Variants in COL4A2 observed in about 807,000 individuals in gnomAD.
COL4A2 encodes collagen type IV alpha 2 chain.
In COL4A2, 99 loss-of-function variants were observed where a neutral mutation model predicts 200.2. The ratio of observed to expected loss-of-function variants is 0.49; its 90% CI spans 0.42 to 0.58. The LOEUF (loss-of-function observed/expected upper bound fraction) is 0.58. Among genes scored for constraint, COL4A2 ranks in the 20% least tolerant of loss-of-function variants. The pLI, the probability that COL4A2 is intolerant of heterozygous loss-of-function variation, is 0.00. For synonymous variants in COL4A2, 897 were observed against 900.6 expected, an observed-to-expected ratio of 1.00 and a Z score of 0.07; for missense variants, 1,950 against 2,314.1, an observed-to-expected ratio of 0.84 and a Z score of 3.23.
rs1401266684 is a variant in COL4A2, at chr13:110,513,162, A to T, written c.*971A>T. The stretch of plus-strand genomic sequence containing the variant: ...GAGTTGAACCCATTCGTGGTATTAC[A>T]GCCATTTCTCGGGGAATGTGTTTGT... On this transcript the variant is annotated 3_prime_UTR_variant, in exon 48 of 48. Transcript: ENST00000360467. 2 of 151,784 alleles carry T rather than the reference A, an allele frequency of 1.3e-5. No homozygotes were observed. The highest frequency in any genetic ancestry group is 3.9e-4 in the East Asian group (2 of 5,172). The allele number at this position is 151,784 out of a possible 1,614,324, so 9.4% of individuals were successfully genotyped here.
At chr13:110,434,157 T>A (rs1194120652) in intron 11 of COL4A2, among the ~76,000 whole-genome samples, 1 of 152,106 alleles carries the variant, frequency 6.6e-6, no homozygotes, top group Non-Finnish European at 1.5e-5. Context: ...ATACTCACGA[T>A]CGAGGGCCAG....
At chr13:110,373,837 G>A (rs1045450294) in intron 4 of COL4A2, among the ~76,000 whole-genome samples, 6 of 152,206 alleles carry the variant, frequency 3.9e-5, no homozygotes, top group Admixed American at 3.9e-4. Flanking sequence ...CCCTTGTTGA[G>A]TGTAAGTTAA....
rs529898139 is a variant in COL4A2, at chr13:110,417,282, G to T, written c.181-7452G>T. Among the ~76,000 whole-genome samples the T allele has an allele frequency of 1.3e-5, 2 of 152,182 alleles. 1 individual carries two copies. On this transcript the variant is annotated intron_variant, in intron 4 of 47. Coordinates refer to ENST00000360467, the MANE Select transcript of COL4A2 (RefSeq NM_001846.4). ...TGGCAGACATTTTTAAAAAGCATTC[G>T]GCTAAGTGTTTTTTTCCAAATGTCA...
chr13:110,487,643 G>A (rs1335436639), intron 34 of COL4A2, among the ~76,000 whole-genome samples: 1 of 152,158 alleles, frequency 6.6e-6, no homozygotes, highest in Non-Finnish European at 1.5e-5. Flanking sequence ...TCCATACACA[G>A]CAATAAATGA....
chr13:110,352,287 GA>G (rs536347966), intron 3 of COL4A2, among the ~76,000 whole-genome samples: 281 of 152,320 alleles, frequency 1.8e-3, no homozygotes, highest in Non-Finnish European at 3.1e-3. Context: ...GCGCAGGCCT[GA>G]ACACAGCCAG....
intron 6 of COL4A2, among the ~76,000 whole-genome samples, chr13:110,426,824 A>T (rs1338098701): frequency 6.6e-6 from 1 of 152,222 alleles, no homozygotes; most frequent in Non-Finnish European, 1.5e-5. Flanking sequence ...AATACTAAAA[A>T]TCTGGAGCAG....
intron 32 of COL4A2, among the ~76,000 whole-genome samples, chr13:110,483,517 A>C (rs568412481): frequency 6.6e-6 from 1 of 152,252 alleles, no homozygotes; most frequent in Non-Finnish European, 1.5e-5. Flanking sequence ...TGATGAATGG[A>C]TGAGTAAAAT....
intron 3 of COL4A2, among the ~76,000 whole-genome samples, chr13:110,333,158 T>C (rs1444643097): frequency 6.6e-6 from 1 of 152,174 alleles, no homozygotes; most frequent in Non-Finnish European, 1.5e-5. Flanking sequence ...CCTCCAGGGG[T>C]GTAGTGACCA....
intron 45 of COL4A2, among the ~76,000 whole-genome samples, chr13:110,505,246 A>G (rs922556062): frequency 2.0e-5 from 3 of 152,034 alleles, no homozygotes; most frequent in Non-Finnish European, 4.4e-5. Flanking sequence ...GCTACTCGGG[A>G]GGCTGAGGCA....
chr13:110,314,585 C>T (rs1231170617), intron 3 of COL4A2, among the ~76,000 whole-genome samples: 1 of 152,128 alleles, frequency 6.6e-6, no homozygotes, highest in South Asian at 2.1e-4. Context: ...ATGGGAGGCC[C>T]GGTGGAGCTG....
chr13:110,507,574 G>A (rs1883929607), intron 46 of COL4A2: 2 of 294,216 alleles, frequency 6.8e-6, no homozygotes, highest in Admixed American at 9.1e-5. Context: ...TGGGGTCAAA[G>A]AGCGACCCCT....
At position 110,489,794 on chromosome 13, in the gene COL4A2, G is replaced by C. The variant is rs1883226439; in HGVS notation, c.3346+9G>C. 1 of 1,601,974 alleles carries C rather than the reference G, an allele frequency of 6.2e-7. No individual in the cohort carries two copies. The highest frequency in any genetic ancestry group is 1.3e-5 in the African/African-American group (1 of 74,316). On this transcript the variant is annotated intron_variant, in intron 36 of 47. Transcript: ENST00000360467. ...CACCACTGGAATACCAGGTACGCAA[G>C]TTATTTTCCTTGTCTTCATCTTCAA...
intron 16 of COL4A2, among the ~76,000 whole-genome samples, chr13:110,441,389 A>T (rs1881118230): frequency 1.3e-5 from 2 of 152,166 alleles, no homozygotes; most frequent in South Asian, 4.1e-4. Context: ...GCTTTTGACC[A>T]TTCAAACTTA....
chr13:110,462,244 G>A, intron 23 of COL4A2, 34 bp from the exon 24 acceptor site: 3 of 1,614,238 alleles, frequency 1.9e-6, no homozygotes, highest in Non-Finnish European at 2.5e-6. Context: ...GTGGGCACCT[G>A]CCTGGGCAGC....
chr13:110,458,262 T>C, intron 21 of COL4A2: 2 of 394,132 alleles, frequency 5.1e-6, no homozygotes, highest in South Asian at 4.0e-5. Context: ...TGGTGCTGCC[T>C]TGCTGCCCAA....
chr13:110,321,906 A>G (rs1885287386), intron 3 of COL4A2, among the ~76,000 whole-genome samples: 1 of 152,174 alleles, frequency 6.6e-6, no homozygotes, highest in Admixed American at 6.5e-5. Context: ...AGTTAGCTCC[A>G]CCTGGCCCCA....
At chr13:110,416,653 C>T (rs1880051682) in intron 4 of COL4A2, among the ~76,000 whole-genome samples, 2 of 152,200 alleles carry the variant, frequency 1.3e-5, no homozygotes, top group Admixed American at 1.3e-4. Flanking sequence ...AGGAGATCAT[C>T]CACTTTTTCT....
At chr13:110,450,782 G>C (rs1320378393) in intron 20 of COL4A2, among the ~76,000 whole-genome samples, 1 of 152,204 alleles carries the variant, frequency 6.6e-6, no homozygotes, top group African/African-American at 2.4e-5. Context: ...AAACAGATGT[G>C]AGCTGACATT....
chr13:110,422,613 G>A (rs943427922), intron 4 of COL4A2, among the ~76,000 whole-genome samples: 26 of 152,284 alleles, frequency 1.7e-4, no homozygotes, highest in Middle Eastern at 3.4e-3. Context: ...CTCTGACTTC[G>A]GTCCAGACCA....
Sources: gnomAD v4.1 joint callset for allele counts (sites outside exome capture counted in the v4.1 genomes callset) on GRCh38, gnomAD v4.1.1 for gene constraint, MANE v1.5 for transcripts, NCBI Gene and HGNC (gene_info 2026-07-23, HGNC 2026-07-21) for gene names.